TLK1: variants seen among roughly 807,000 people sequenced by gnomAD.
TLK1 encodes tousled like kinase 1, also known as serine/threonine-protein kinase tousled-like 1.
Under a neutral mutation model 105.3 loss-of-function variants are expected in TLK1, and 24 were observed. That is an observed-to-expected ratio of 0.23 (90% CI 0.17 to 0.32). TLK1 has a LOEUF of 0.32. TLK1 is among the 10% of genes least tolerant of loss of function. TLK1 has a pLI of 1.00. For synonymous variants in TLK1, 321 were observed against 310.4 expected (o/e 1.03, Z -0.36); for missense variants, 558 against 910.5 (o/e 0.61, Z 4.98).
At chr2:171,165,149 G>C (rs907022754), upstream of TLK1, among the ~76,000 whole-genome samples, 2 of 152,232 alleles carry the variant, frequency 1.3e-5, no homozygotes, top group Non-Finnish European at 2.9e-5. Flanking sequence ...TATTCCCAGA[G>C]GGAAAGCCAG....
At chr2:171,229,502 C>T (rs13420514) in intron 1 of TLK1, among the ~76,000 whole-genome samples, 8,276 of 152,228 alleles carry the variant, frequency 0.054, 477 homozygotes, top group East Asian at 0.25. Flanking sequence ...CTCTTCCCTC[C>T]GGGTGCCATC....
At position 171,055,615 on chromosome 2, in the gene TLK1, C is replaced by G. The variant is rs371335860; in HGVS notation, c.550-443G>C. Among the ~76,000 whole-genome samples, 11 of 152,140 alleles carry G rather than the reference C, an allele frequency of 7.2e-5. No homozygotes were observed. The East Asian group carries it at 2.1e-3, about 29-fold the overall frequency. ...ATGAATTTCATAGTTTATCTGGTCA[C>G]TAGTTCAAAAAGACACTCACTGAAA... On this transcript the variant is annotated intron_variant, in intron 6 of 20. Coordinates refer to ENST00000431350, the MANE Select transcript of TLK1 (RefSeq NM_012290.5).
intron 1 of TLK1, among the ~76,000 whole-genome samples, chr2:171,178,894 A>G (rs573594751): frequency 1.0e-3 from 156 of 152,324 alleles, no homozygotes; most frequent in African/African-American, 3.4e-3. Flanking sequence ...TCTTACACAG[A>G]TGACTATTAA....
intron 1 of TLK1, chr2:171,230,998 A>T (rs992709906): frequency 6.6e-6 from 1 of 152,214 alleles, no homozygotes; most frequent in Non-Finnish European, 1.5e-5. Context: ...GGTATTTAAA[A>T]TATGGAGAGA....
At chr2:171,027,439 T>G (rs1226338648) in intron 12 of TLK1, among the ~76,000 whole-genome samples, 2 of 152,180 alleles carry the variant, frequency 1.3e-5, no homozygotes, top group Non-Finnish European at 2.9e-5. Flanking sequence ...ATAAACTGAT[T>G]ACAATTTCAG....
chr2:171,009,174 T>C (rs1684786401), intron 14 of TLK1, among the ~76,000 whole-genome samples: 1 of 152,140 alleles, frequency 6.6e-6, no homozygotes, highest in African/African-American at 2.4e-5. Context: ...TAGTGCATGG[T>C]TGAACTGATA....
chr2:171,185,904 G>A (rs980396110), intron 1 of TLK1, among the ~76,000 whole-genome samples: 2 of 152,276 alleles, frequency 1.3e-5, no homozygotes, highest in African/African-American at 4.8e-5. Context: ...AATAATGAAC[G>A]AAGTGGTATA....
chr2:171,137,587 G>A (rs1027880192), intron 1 of TLK1, among the ~76,000 whole-genome samples: 7 of 152,038 alleles, frequency 4.6e-5, no homozygotes, highest in East Asian at 3.9e-4. Context: ...AGTGGCTCAC[G>A]TCTGTAATCC....
At chr2:171,055,269 TGAA>T (rs1329374064) in intron 6 of TLK1, 97 bp from the exon 7 acceptor site, 1 of 737,752 alleles carries the variant, frequency 1.4e-6, no homozygotes, top group Non-Finnish European at 2.1e-6. Flanking sequence ...TTAACATTTC[TGAA>T]GAAGTTTCTA....
intron 1 of TLK1, among the ~76,000 whole-genome samples, chr2:171,148,755 T>C (rs533951711): frequency 5.9e-5 from 9 of 151,384 alleles, no homozygotes; most frequent in African/African-American, 2.2e-4. Context: ...TGGTGATGCA[T>C]AGTAGTCCCA....
At chr2:171,021,433 C>CTTTTTTTTTTTTTTTTTTTT (rs531522490) in intron 12 of TLK1, among the ~76,000 whole-genome samples, 1 of 116,842 alleles carries the variant, frequency 8.6e-6, no homozygotes, top group Admixed American at 8.8e-5. Flanking sequence ...CCCGCCCCGA[C>CTTTTTTTTTTTTTTTTTTTT]TTTTTTTTTT....
intron 3 of TLK1, among the ~76,000 whole-genome samples, chr2:171,076,672 G>A (rs1445611740): frequency 6.6e-6 from 1 of 151,408 alleles, no homozygotes; most frequent in Non-Finnish European, 1.5e-5. Flanking sequence ...GGCCGAGGCG[G>A]GCGGATCACA....
intron 18 of TLK1, among the ~76,000 whole-genome samples, chr2:170,998,044 CT>C (rs869032453): frequency 2.2e-5 from 3 of 137,148 alleles, no homozygotes; most frequent in South Asian, 2.5e-4. Context: ...CTCTATCTAT[CT>C]TTATCTATCT....
chr2:171,230,270 T>C (rs969277544), intron 1 of TLK1, among the ~76,000 whole-genome samples: 15 of 152,176 alleles, frequency 9.9e-5, no homozygotes, highest in Admixed American at 7.9e-4. Context: ...TAAGCATTAG[T>C]CAGACTATAC....
intron 1 of TLK1, among the ~76,000 whole-genome samples, chr2:171,230,280 C>T (rs1693971774): frequency 6.6e-6 from 1 of 152,196 alleles, no homozygotes; most frequent in Non-Finnish European, 1.5e-5. Flanking sequence ...TCAGACTATA[C>T]TTTGACCCAC....
At chr2:171,100,023 G>A (rs1689621310) in intron 2 of TLK1, among the ~76,000 whole-genome samples, 1 of 152,170 alleles carries the variant, frequency 6.6e-6, no homozygotes, top group South Asian at 2.1e-4. Context: ...TAAGAGTCTA[G>A]TACCCAGTAA....
At chr2:171,183,460 CT>C (rs1406265090) in intron 1 of TLK1, among the ~76,000 whole-genome samples, 3 of 151,918 alleles carry the variant, frequency 2.0e-5, no homozygotes, top group South Asian at 2.1e-4. Flanking sequence ...TTTATTTTTT[CT>C]TTTCTAAATC....
At chr2:171,112,405 A>T (rs556850749) in intron 2 of TLK1, among the ~76,000 whole-genome samples, 1 of 152,262 alleles carries the variant, frequency 6.6e-6, no homozygotes, top group African/African-American at 2.4e-5. Flanking sequence ...AAAGACTTTC[A>T]TAAGTTCAAA....
At chr2:171,150,621 G>A (rs1004295205) in intron 1 of TLK1, among the ~76,000 whole-genome samples, 1 of 152,210 alleles carries the variant, frequency 6.6e-6, no homozygotes, top group Non-Finnish European at 1.5e-5. Flanking sequence ...TGGACATCAG[G>A]AAAGAGAAGC....
Sources: gnomAD v4.1 joint callset for allele counts (sites outside exome capture counted in the v4.1 genomes callset) on GRCh38, gnomAD v4.1.1 for gene constraint, MANE v1.5 for transcripts, NCBI Gene and HGNC (gene_info 2026-07-23, HGNC 2026-07-21) for gene names.